Variants in S100P observed in about 807,000 individuals in gnomAD.
S100P encodes S100 calcium binding protein P.
A neutral mutation model predicts 4.7 loss-of-function variants in S100P; 7 were observed. That is an observed-to-expected ratio of 1.48 (90% CI 0.84 to 2.77). The LOEUF (loss-of-function observed/expected upper bound fraction) is 2.77. Among genes scored for constraint, S100P ranks in the 30% most tolerant of loss-of-function variants. The pLI is 0.00. For missense variants in S100P, 122 were observed against 120.6 expected (o/e 1.01, Z -0.06); for synonymous variants, 48 against 49.0 (o/e 0.98, Z 0.08).
chr4:6,694,445 G>A (rs1054100611), intron 1 of S100P, among the ~76,000 whole-genome samples: 1 of 152,206 alleles, frequency 6.6e-6, no homozygotes, highest in Non-Finnish European at 1.5e-5. Context: ...TTGAGCCCTC[G>A]GGGCTGTCCT....
intron 1 of S100P, among the ~76,000 whole-genome samples, chr4:6,695,844 G>A (rs927617993): frequency 1.3e-5 from 2 of 152,182 alleles, no homozygotes; most frequent in Non-Finnish European, 2.9e-5. Context: ...TATCTGCTCC[G>A]TGCCCAACCC....
intron 1 of S100P, 60 bp from the exon 2 acceptor site, chr4:6,696,833 G>T: frequency 6.6e-7 from 1 of 1,524,766 alleles, no homozygotes; most frequent in South Asian, 1.2e-5. Flanking sequence ...AGTGCTTGGT[G>T]GAGGCTGAGG....
chr4:6,694,987 CAA>C (rs1056119546), intron 1 of S100P, among the ~76,000 whole-genome samples: 4 of 142,130 alleles, frequency 2.8e-5, no homozygotes, highest in Non-Finnish European at 6.0e-5. Context: ...TTTTTTGAGA[CAA>C]GATGTCACTC....
Position 6,693,988 on chromosome 4 carries a change from C to A in S100P, c.56C>A (p.Ser19Ter), listed in dbSNP as rs199731575. ...ATCATAGACGTCTTTTCCCGATATT[C>A]GGGCAGCGAGGGCAGCACGCAGACC... ...GMIIDVFSRYSGSEGSTQTLT... is the reference protein window; with the variant it reads ...GMIIDVFSRY The change falls in exon 1 of 2, where the codon TCG (serine) becomes TAG (stop). Residue 19 changes from serine to a stop codon, truncating the protein, a stop_gained. Coordinates refer to ENST00000296370, the MANE Select transcript of S100P (RefSeq NM_005980.3). LOFTEE classifies it high-confidence loss of function. The A allele has an allele frequency of 6.2e-7, 1 of 1,614,004 alleles. No individual in the cohort carries two copies. The highest frequency in any genetic ancestry group is 1.1e-5 in the South Asian group (1 of 91,086).
At chr4:6,694,967 CTTTT>C (rs59304723) in intron 1 of S100P, among the ~76,000 whole-genome samples, 3 of 141,886 alleles carry the variant, frequency 2.1e-5, no homozygotes, top group Non-Finnish European at 3.1e-5. Flanking sequence ...CTTTTCTTTT[CTTTT>C]TTTTTTTTTT....
chr4:6,697,015 G>C lies in S100P; in HGVS notation c.261G>C (p.Lys87Asn), dbSNP rs1714388763. ...CTGCAATCACGTCTGCCTGTCACAA[G>C]TACTTTGAGAAGGCAGGACTCAAAT... ...FVAAITSACH[K>N]YFEKAGLK The change falls in exon 2 of 2, where the codon AAG becomes AAC. Residue 87 changes from lysine to asparagine, a missense_variant. Transcript: ENST00000296370. 2 of 1,613,778 alleles carry C rather than the reference G, an allele frequency of 1.2e-6. No individual in the cohort carries two copies. Among genetic ancestry groups the C allele is most frequent in the Non-Finnish European group, 1.7e-6 (2 of 1,179,722 alleles).
intron 1 of S100P, among the ~76,000 whole-genome samples, chr4:6,695,101 G>C (rs997747674): frequency 3.9e-5 from 6 of 151,938 alleles, no homozygotes; most frequent in Non-Finnish European, 7.4e-5. Flanking sequence ...GAGTAGCTGG[G>C]ACTACAGGTG....
rs371875811 is a variant in S100P, at chr4:6,694,083, G to C, written c.138+13G>C. The C allele has an allele frequency of 6.2e-7, 1 of 1,602,490 alleles. No individual in the cohort carries two copies. Among genetic ancestry groups the C allele is most frequent in the East Asian group, 2.2e-5 (1 of 44,796 alleles). ...AGGCTTCCTGCAGGTGAGCCAGGCC[G>C]GCAGTGCTGGACTCAGCGGGGGCTG... On this transcript the variant is annotated intron_variant, in intron 1 of 1. Transcript: ENST00000296370.
At chr4:6,696,224 GCT>G (rs2108795211) in intron 1 of S100P, among the ~76,000 whole-genome samples, 1 of 152,322 alleles carries the variant, frequency 6.6e-6, no homozygotes, top group Non-Finnish European at 1.5e-5. Context: ...ACATGGGCAG[GCT>G]CTGAGAGCCC....
At chr4:6,695,103 C>T (rs1029694844) in intron 1 of S100P, among the ~76,000 whole-genome samples, 5 of 151,874 alleles carry the variant, frequency 3.3e-5, no homozygotes, top group African/African-American at 1.2e-4. Flanking sequence ...GTAGCTGGGA[C>T]TACAGGTGCA....
intron 1 of S100P, 113 bp from the exon 2 acceptor site, chr4:6,696,780 C>A (rs1280737624): frequency 3.1e-6 from 1 of 327,340 alleles, no homozygotes; most frequent in East Asian, 7.2e-5. Flanking sequence ...GCCCTGACAG[C>A]AAAGGTGACG....
At chr4:6,694,904 G>A (rs1219870242) in intron 1 of S100P, among the ~76,000 whole-genome samples, 1 of 151,830 alleles carries the variant, frequency 6.6e-6, no homozygotes, top group African/African-American at 2.4e-5. Context: ...GAAATTTTCA[G>A]CCCTAGAATC....
intron 1 of S100P, 35 bp from the exon 2 acceptor site, chr4:6,696,858 C>A: frequency 6.3e-7 from 1 of 1,594,204 alleles, no homozygotes; most frequent in Non-Finnish European, 8.6e-7. Context: ...GCACAGGCAC[C>A]CTCACTGCTG....
At chr4:6,694,462 C>T (rs1714320196) in intron 1 of S100P, among the ~76,000 whole-genome samples, 1 of 152,238 alleles carries the variant, frequency 6.6e-6, no homozygotes, top group Non-Finnish European at 1.5e-5. Context: ...TCCTCCAAGG[C>T]TGCCGGCCAT....
chr4:6,694,419 C>G (rs1456789103), intron 1 of S100P, among the ~76,000 whole-genome samples: 1 of 152,212 alleles, frequency 6.6e-6, no homozygotes, highest in Non-Finnish European at 1.5e-5. Flanking sequence ...GCAAGTTTGC[C>G]AAGCTTGCCA....
intron 1 of S100P, among the ~76,000 whole-genome samples, chr4:6,694,875 T>C (rs1714329652): frequency 6.6e-6 from 1 of 152,084 alleles, no homozygotes; most frequent in Non-Finnish European, 1.5e-5. Context: ...TAGATGCTGA[T>C]AATCAAAAAT....
chr4:6,694,352 G>A (rs1411110261), intron 1 of S100P, among the ~76,000 whole-genome samples: 1 of 152,224 alleles, frequency 6.6e-6, no homozygotes, highest in Non-Finnish European at 1.5e-5. Flanking sequence ...GTGGGAGAGT[G>A]GGACTCAAAC....
At chr4:6,696,709 G>A (rs1287776779) in intron 1 of S100P, among the ~76,000 whole-genome samples, 184 bp from the exon 2 acceptor site, 1 of 152,252 alleles carries the variant, frequency 6.6e-6, no homozygotes, top group Non-Finnish European at 1.5e-5. Context: ...GATAGCTGAA[G>A]GCAGCTCACA....
intron 1 of S100P, among the ~76,000 whole-genome samples, chr4:6,696,507 G>A (rs1714375822): frequency 6.6e-6 from 1 of 152,216 alleles, no homozygotes; most frequent in Admixed American, 6.5e-5. Context: ...CACGAGATGG[G>A]AGGCCCATGA....
Sources: gnomAD v4.1 joint callset for allele counts (sites outside exome capture counted in the v4.1 genomes callset) on GRCh38, gnomAD v4.1.1 for gene constraint, MANE v1.5 for transcripts, NCBI Gene and HGNC (gene_info 2026-07-23, HGNC 2026-07-21) for gene names.